Variants in DIAPH2 observed in about 807,000 individuals in gnomAD.
DIAPH2 encodes protein diaphanous homolog 2.
Under a neutral mutation model 92.7 loss-of-function variants are expected in DIAPH2, and 35 were observed. The ratio of observed to expected loss-of-function variants is 0.38; its 90% CI spans 0.29 to 0.50. The LOEUF (loss-of-function observed/expected upper bound fraction) is 0.50, where lower values mean the gene tolerates loss of function less well. Ranked by LOEUF, DIAPH2 falls within the 20% of genes least tolerant of loss-of-function variation. The pLI is 0.94. For synonymous variants in DIAPH2, 301 were observed against 280.4 expected, an observed-to-expected ratio of 1.07 and a Z score of -0.73; for missense variants, 701 against 819.5, an observed-to-expected ratio of 0.86 and a Z score of 1.77.
intron 21 of DIAPH2, among the ~76,000 whole-genome samples, chrX:97,119,442 T>C (rs868271178): frequency 3.6e-4 from 40 of 111,688 alleles, no homozygotes; most frequent in Admixed American, 1.6e-3. Flanking sequence ...CCAGCACCTG[T>C]TCTGGTGGAG....
chrX:96,822,612 A>G (rs1200898279), intron 4 of DIAPH2, among the ~76,000 whole-genome samples: 1 of 112,111 alleles, frequency 8.9e-6, no homozygotes, highest in Non-Finnish European at 1.9e-5. Flanking sequence ...AATAAGCTTC[A>G]GAACAATGAG....
At chrX:97,163,916 G>A (rs752726317) in intron 22 of DIAPH2, among the ~76,000 whole-genome samples, 1 of 112,129 alleles carries the variant, frequency 8.9e-6, no homozygotes, top group African/African-American at 3.2e-5. Context: ...ACTAGTAGTA[G>A]CTTTTCACAT....
rs1234513278 is a variant in DIAPH2, at chrX:97,603,041, T to G, written c.*3724T>G. The G allele has an allele frequency of 1.8e-5, 2 of 111,127 alleles. No individual in the cohort carries two copies. Among genetic ancestry groups the G allele is most frequent in the Non-Finnish European group, 3.8e-5 (2 of 53,059 alleles). 9.2% of individuals were successfully genotyped at this position (111,127 alleles called of 1,213,427 possible). ...TGAAACAGTCAAATAAATCCACAAG[T>G]TAATGCCTAACCTCTTCAGCACTAG... is the stretch of plus-strand genomic sequence containing the variant. On this transcript the variant is annotated 3_prime_UTR_variant, in exon 27 of 27. Transcript: ENST00000324765.
At chrX:97,543,169 G>T (rs1017232932) in intron 26 of DIAPH2, among the ~76,000 whole-genome samples, 1 of 112,225 alleles carries the variant, frequency 8.9e-6, no homozygotes, top group Non-Finnish European at 1.9e-5. Context: ...GTGGTTAGTT[G>T]GCAATGTCAG....
chrX:97,275,942 G>T (rs780585213), intron 23 of DIAPH2, among the ~76,000 whole-genome samples: 1 of 112,472 alleles, frequency 8.9e-6, no homozygotes, highest in Non-Finnish European at 1.9e-5. Flanking sequence ...GGAGGTGGAG[G>T]TTGTAGCTAG....
intron 17 of DIAPH2, among the ~76,000 whole-genome samples, chrX:97,065,170 G>A (rs939102702): frequency 2.7e-5 from 3 of 111,574 alleles, no homozygotes; most frequent in East Asian, 2.8e-4. Context: ...TCACTGATTC[G>A]TGACAGGAAT....
At chrX:97,310,723 G>C (rs942161768) in intron 23 of DIAPH2, among the ~76,000 whole-genome samples, 9 of 111,576 alleles carry the variant, frequency 8.1e-5, no homozygotes, top group Admixed American at 1.9e-4. Flanking sequence ...TTATGGATCT[G>C]CCGGGTGTGG....
chrX:97,196,789 G>GT (rs769690726), intron 22 of DIAPH2, among the ~76,000 whole-genome samples: 283 of 99,536 alleles, frequency 2.8e-3, no homozygotes, highest in Middle Eastern at 5.0e-3. Context: ...TTTTTTTTCG[G>GT]TTTTTTTTTT....
intron 23 of DIAPH2, among the ~76,000 whole-genome samples, chrX:97,275,723 G>C (rs1479244105): frequency 1.9e-4 from 20 of 107,429 alleles, no homozygotes. Context: ...GACGATGGGC[G>C]GCCGGGCAGA....
At chrX:96,804,096 C>G (rs758378618) in intron 4 of DIAPH2, among the ~76,000 whole-genome samples, 1 of 111,488 alleles carries the variant, frequency 9.0e-6, no homozygotes, top group African/African-American at 3.3e-5. Context: ...TATCTCATCT[C>G]CCTGACCGGA....
At chrX:97,254,785 A>G in intron 23 of DIAPH2, among the ~76,000 whole-genome samples, 1 of 108,818 alleles carries the variant, frequency 9.2e-6, no homozygotes. Flanking sequence ...GTGCAGTGGT[A>G]CAGTCCCGAG....
intron 22 of DIAPH2, among the ~76,000 whole-genome samples, chrX:97,152,401 T>A (rs2147425283): frequency 8.9e-6 from 1 of 112,071 alleles, no homozygotes; most frequent in Admixed American, 9.5e-5. Flanking sequence ...TCCTTAACAG[T>A]ATTTTCATGT....
At chrX:97,035,990 G>C (rs1406832504) in intron 17 of DIAPH2, among the ~76,000 whole-genome samples, 1 of 111,205 alleles carries the variant, frequency 9.0e-6, no homozygotes, top group Non-Finnish European at 1.9e-5. Flanking sequence ...AAGGCTTATA[G>C]GAAAAGGAGC....
intron 22 of DIAPH2, among the ~76,000 whole-genome samples, chrX:97,241,592 C>T (rs775351357): frequency 9.0e-6 from 1 of 110,953 alleles, no homozygotes; most frequent in Admixed American, 9.6e-5. Flanking sequence ...GCCACCACGC[C>T]TGGCCAGTAA....
chrX:97,580,133 CT>C (rs1424942935), intron 26 of DIAPH2, among the ~76,000 whole-genome samples: 16 of 110,060 alleles, frequency 1.5e-4, no homozygotes, highest in Non-Finnish European at 1.9e-5. Context: ...ATTTGACTTC[CT>C]CTTTTCCTAC....
intron 22 of DIAPH2, among the ~76,000 whole-genome samples, chrX:97,160,646 A>G (rs1447279406): frequency 9.0e-6 from 1 of 111,582 alleles, no homozygotes; most frequent in Admixed American, 9.5e-5. Flanking sequence ...ATCTTAGTTA[A>G]TCTTAGTTAC....
intron 26 of DIAPH2, among the ~76,000 whole-genome samples, chrX:97,570,068 G>A (rs1186232593): frequency 5.2e-4 from 30 of 57,159 alleles, no homozygotes; most frequent in Non-Finnish European, 5.9e-5. Flanking sequence ...AGTTCATAAG[G>A]CCTTCTAATA....
At chrX:97,040,905 A>T (rs1289767875) in intron 17 of DIAPH2, among the ~76,000 whole-genome samples, 1 of 110,768 alleles carries the variant, frequency 9.0e-6, no homozygotes, top group East Asian at 2.8e-4. Flanking sequence ...AATTTCTCAC[A>T]TTATTAATAT....
At chrX:96,809,325 A>T (rs1179411917) in intron 4 of DIAPH2, among the ~76,000 whole-genome samples, 2 of 96,130 alleles carry the variant, frequency 2.1e-5, no homozygotes, top group African/African-American at 8.5e-5. Context: ...GGCGGTCTTT[A>T]AAAAAAAAAT....
Sources: gnomAD v4.1 joint callset for allele counts (sites outside exome capture counted in the v4.1 genomes callset) on GRCh38, gnomAD v4.1.1 for gene constraint, MANE v1.5 for transcripts, NCBI Gene and HGNC (gene_info 2026-07-23, HGNC 2026-07-21) for gene names.